Variants in LSG1 observed in about 807,000 individuals in gnomAD.
The protein encoded by LSG1 is large 60S subunit nuclear export GTPase 1, also known as large subunit GTPase 1 homolog.
LSG1 carries 55 observed loss-of-function variants against 82.6 expected under a neutral mutation model. That is an observed-to-expected ratio of 0.67 (90% CI 0.54 to 0.83). LSG1 has a LOEUF of 0.83. LSG1 is among the 40% of genes least tolerant of loss of function. The pLI, the probability that LSG1 is intolerant of heterozygous loss-of-function variation, is 0.00. For missense variants in LSG1, 809 were observed against 807.9 expected (o/e 1.00, Z -0.02); for synonymous variants, 272 against 282.5 (o/e 0.96, Z 0.37).
intron 10 of LSG1, 116 bp downstream of exon 10, chr3:194,650,765 C>T: frequency 9.6e-7 from 1 of 1,041,854 alleles, no homozygotes; most frequent in Non-Finnish European, 1.4e-6. Flanking sequence ...TAAACTTGTG[C>T]AGATCACTAG....
chr3:194,645,531 G>GACACACAC lies in LSG1; in HGVS notation c.1623+632_1623+633insGTGTGTGT, dbSNP rs1718511520. ...ACACACACACACACACACACACACA[G>GACACACAC]ACAGACACACACACACACACACACA... On this transcript the variant is annotated intron_variant, in intron 12 of 13. Transcript: ENST00000265245. The GACACACAC allele has an allele frequency of 2.9e-3, 101 of 35,106 alleles. 10 individuals carry two copies. The highest frequency in any genetic ancestry group is 4.2e-3 in the Non-Finnish European group (79 of 18,626). 2.2% of individuals were successfully genotyped at this position (35,106 alleles called of 1,614,324 possible). A position where few individuals can be genotyped will look rare whatever the true frequency, so the allele number is the denominator to read the frequency against.
At position 194,659,046 on chromosome 3, in the gene LSG1, C is replaced by T. The variant is rs1375961713; in HGVS notation, c.670G>A (p.Ala224Thr). ...TCTTTTTCGAAGTACATGGCCCAGG[C>T]ACTCCGCTGCTCAGCAGTCAGCAAG... ...ADLLTAEQRS[A>T]WAMYFEKEDV... Residue 224 changes from alanine (A) to threonine (T), a missense_variant, in exon 7 of 14, where the codon GCC becomes ACC. Physicochemically the swap from Ala to Thr is moderately conservative, Grantham distance 58. Coordinates refer to ENST00000265245, the MANE Select transcript of LSG1 (RefSeq NM_018385.3). 1.2e-6 allele frequency: 2 copies of T among 1,614,052 alleles called. No homozygotes were observed. Among genetic ancestry groups the T allele is most frequent in the Non-Finnish European group, 1.7e-6 (2 of 1,180,006 alleles).
At position 194,648,683 on chromosome 3, in the gene LSG1, C is replaced by T; in HGVS notation, c.1541G>A (p.Gly514Glu). 1 of 1,613,726 alleles carries T rather than the reference C, an allele frequency of 6.2e-7. No homozygotes were observed. Among genetic ancestry groups the T allele is most frequent in the Non-Finnish European group, 8.5e-7 (1 of 1,179,804 alleles). The change falls in exon 11 of 14, where the codon GGA becomes GAA. Residue 514 changes from glycine (G) to glutamate (E), a missense_variant and splice_region_variant. Transcript: ENST00000265245. Reference sequence around the variant, plus strand: ...TTTTCTGATGAATCACAACTTACATCCATAAGCTGTCAACAGTTCTTCCGA... The same window carrying T: ...TTTTCTGATGAATCACAACTTACATTCATAAGCTGTCAACAGTTCTTCCGA... Reference protein sequence around the residue: ...PTSEELLTAYGYMRGFMTAHG... With the variant: ...PTSEELLTAYEYMRGFMTAHG...
At chr3:194,643,424 A>G (rs373824823) in intron 13 of LSG1, among the ~76,000 whole-genome samples, 14 of 152,350 alleles carry the variant, frequency 9.2e-5, no homozygotes, top group African/African-American at 2.9e-4. Flanking sequence ...GAAAATATAC[A>G]TGTGCCAACG....
intron 12 of LSG1, chr3:194,645,537 C>CACACACACACACACACAGACAGACAG (rs1560219651): frequency 3.7e-5 from 1 of 27,256 alleles, no homozygotes; most frequent in Non-Finnish European, 8.1e-5. Context: ...CACAGACAGA[C>CACACACACACACACACAGACAGACAG]ACACACACAC....
At chr3:194,659,755 G>T (rs1718883622) in intron 6 of LSG1, among the ~76,000 whole-genome samples, 1 of 152,198 alleles carries the variant, frequency 6.6e-6, no homozygotes, top group Admixed American at 6.5e-5. Flanking sequence ...CCGGCAATAT[G>T]CTAAAATAAA....
At chr3:194,644,866 GTTGAGTT>G in intron 12 of LSG1, 120 bp from the exon 13 acceptor site, 1 of 720,970 alleles carries the variant, frequency 1.4e-6, no homozygotes, top group South Asian at 3.9e-5. Flanking sequence ...AGTTAGCTGA[GTTGAGTT>G]TTGGTCTACT....
chr3:194,658,879 CA>C, intron 7 of LSG1, 77 bp downstream of exon 7: 1 of 1,388,244 alleles, frequency 7.2e-7, no homozygotes, highest in Admixed American at 2.0e-5. Flanking sequence ...TAAGAATAAA[CA>C]AAACACAAAC....
At chr3:194,650,011 C>T (rs901247343) in intron 10 of LSG1, among the ~76,000 whole-genome samples, 1 of 152,084 alleles carries the variant, frequency 6.6e-6, no homozygotes, top group African/African-American at 2.4e-5. Context: ...CCTCCGCCTC[C>T]CAGGTTCAAG....
intron 12 of LSG1, chr3:194,645,535 G>GACAGACACACAC (rs1718513900): frequency 2.9e-5 from 1 of 34,962 alleles, no homozygotes; most frequent in African/African-American, 9.6e-5. Flanking sequence ...CACACAGACA[G>GACAGACACACAC]ACACACACAC....
chr3:194,672,025 A>T lies in LSG1; in HGVS notation c.99+39T>A, dbSNP rs751407237. 1.9e-6 allele frequency: 3 copies of T among 1,577,096 alleles called. No homozygotes were observed. In the Admixed American group the frequency reaches 5.0e-5, roughly 26 times the overall value. On this transcript the variant is annotated intron_variant, in intron 1 of 13. Coordinates refer to ENST00000265245, the MANE Select transcript of LSG1 (RefSeq NM_018385.3). ...CCCCGAATTTTGCAGCACTCAGGCT[A>T]GACAGAAAAGATAAGAAAGATGACA...
chr3:194,646,603 C>T (rs1033646840), intron 11 of LSG1, among the ~76,000 whole-genome samples: 12 of 152,224 alleles, frequency 7.9e-5, no homozygotes, highest in African/African-American at 2.9e-4. Flanking sequence ...TCACTGCAAC[C>T]TCCACCTCCC....
At chr3:194,658,875 T>C in intron 7 of LSG1, 82 bp downstream of exon 7, 2 of 1,353,276 alleles carry the variant, frequency 1.5e-6, no homozygotes, top group South Asian at 2.7e-5. Context: ...TCCATAAGAA[T>C]AAACAAAACA....
chr3:194,649,424 C>G (rs1376751092), intron 10 of LSG1, among the ~76,000 whole-genome samples: 2 of 151,834 alleles, frequency 1.3e-5, no homozygotes, highest in African/African-American at 4.8e-5. Flanking sequence ...TGGCTCACGC[C>G]TGTAATCCCA....
chr3:194,649,417 C>T (rs762421894), intron 10 of LSG1, among the ~76,000 whole-genome samples: 4 of 151,968 alleles, frequency 2.6e-5, no homozygotes, highest in Non-Finnish European at 4.4e-5. Context: ...GGCGTGGTGG[C>T]TCACGCCTGT....
Position 194,652,942 on chromosome 3 carries a change from C to G in LSG1, c.960G>C (p.Thr320=), listed in dbSNP as rs142253210. Residue 320 remains threonine (T), a synonymous_variant, in exon 8 of 14, where the codon ACG becomes ACC. Transcript: ENST00000265245. ...CPEEEEDDWQ[T]CSEEDGPKEE... Reference sequence around the variant, plus strand: ...CCTTGGGACCGTCTTCTTCTGAGCACGTCTGCCAGTCGTCTTCCTCCTCCT... The same window carrying G: ...CCTTGGGACCGTCTTCTTCTGAGCAGGTCTGCCAGTCGTCTTCCTCCTCCT... 89 of 1,614,036 alleles carry G rather than the reference C, an allele frequency of 5.5e-5. No individual in the cohort carries two copies. Among genetic ancestry groups the G allele is most frequent in the African/African-American group, 2.7e-5 (2 of 74,920 alleles).
intron 11 of LSG1, among the ~76,000 whole-genome samples, chr3:194,647,285 T>C (rs1448093713): frequency 6.6e-6 from 1 of 152,150 alleles, no homozygotes; most frequent in Non-Finnish European, 1.5e-5. Flanking sequence ...GTCAACTTCT[T>C]TGGGGCCAAA....
Position 194,641,906 on chromosome 3 carries a change from G to C in LSG1, c.*162C>G. 1 of 638,148 alleles carries C rather than the reference G, an allele frequency of 1.6e-6. No homozygotes were observed. Among genetic ancestry groups the C allele is most frequent in the Non-Finnish European group, 2.6e-6 (1 of 390,162 alleles). The allele number at this position is 638,148 out of a possible 1,614,324, so 39.5% of individuals were successfully genotyped here. A position where few individuals can be genotyped will look rare whatever the true frequency, so the allele number is the denominator to read the frequency against. On this transcript the variant is annotated 3_prime_UTR_variant, in exon 14 of 14. Transcript: ENST00000265245. ...TTTGTCAGAGTTGGTGTTTCCAGGAGGCCCTTGGTCTTGACATGGAGACTG... is the reference window on the plus strand; with the variant it reads ...TTTGTCAGAGTTGGTGTTTCCAGGACGCCCTTGGTCTTGACATGGAGACTG...
intron 2 of LSG1, among the ~76,000 whole-genome samples, chr3:194,668,281 C>T (rs1413619999): frequency 1.3e-5 from 2 of 152,054 alleles, no homozygotes; most frequent in African/African-American, 4.8e-5. Context: ...TCATTTCTTT[C>T]GGGCATATAC....
Sources: gnomAD v4.1 joint callset for allele counts (sites outside exome capture counted in the v4.1 genomes callset) on GRCh38, gnomAD v4.1.1 for gene constraint, MANE v1.5 for transcripts, NCBI Gene and HGNC (gene_info 2026-07-23, HGNC 2026-07-21) for gene names.